PSTPIP2: variants seen among roughly 807,000 people sequenced by gnomAD.
The protein encoded by PSTPIP2 is proline-serine-threonine phosphatase-interacting protein 2.
PSTPIP2 carries 33 observed loss-of-function variants against 63.3 expected under a neutral mutation model. The observed-to-expected ratio is 0.52, with a 90% confidence interval of 0.40 to 0.70. The LOEUF (loss-of-function observed/expected upper bound fraction) is 0.70, where lower values mean the gene tolerates loss of function less well. PSTPIP2 is among the 30% of genes least tolerant of loss of function. PSTPIP2 has a pLI of 0.00. For missense variants in PSTPIP2, 312 were observed against 400.7 expected, an observed-to-expected ratio of 0.78 and a Z score of 1.89; for synonymous variants, 125 against 132.7, an observed-to-expected ratio of 0.94 and a Z score of 0.40.
intron 1 of PSTPIP2, among the ~76,000 whole-genome samples, chr18:46,042,700 G>C (rs1182583401): frequency 6.6e-6 from 1 of 152,142 alleles, no homozygotes; most frequent in African/African-American, 2.4e-5. Flanking sequence ...GTACCAAATG[G>C]TCAGTGTCAA....
chr18:46,024,325 A>G (rs1907498532), intron 3 of PSTPIP2, among the ~76,000 whole-genome samples: 2 of 151,844 alleles, frequency 1.3e-5, no homozygotes, highest in African/African-American at 2.4e-5. Context: ...TTTAGTAGGG[A>G]TGGGGTTTTG....
At chr18:46,069,009 G>A (rs1449628725) in intron 1 of PSTPIP2, among the ~76,000 whole-genome samples, 1 of 152,142 alleles carries the variant, frequency 6.6e-6, no homozygotes, top group African/African-American at 2.4e-5. Flanking sequence ...GCCCACTACA[G>A]GAACAGGGTT....
At chr18:46,072,133 C>T (rs1475558393) in intron 1 of PSTPIP2, 23 bp downstream of exon 1, 15 of 1,528,256 alleles carry the variant, frequency 9.8e-6, no homozygotes, top group Non-Finnish European at 1.2e-5. Flanking sequence ...GCCCCGCGAT[C>T]CGCTGTCGGC....
intron 2 of PSTPIP2, among the ~76,000 whole-genome samples, chr18:46,026,177 T>C (rs1040828470): frequency 6.6e-6 from 1 of 152,194 alleles, no homozygotes; most frequent in African/African-American, 2.4e-5. Flanking sequence ...AATTTCTACT[T>C]CCACAAAAAG....
intron 1 of PSTPIP2, among the ~76,000 whole-genome samples, chr18:46,050,950 C>A (rs62095448): frequency 6.6e-6 from 1 of 151,906 alleles, no homozygotes; most frequent in African/African-American, 2.4e-5. Context: ...GCAACCTCCA[C>A]CTCCTAGGTT....
At chr18:45,993,570 C>T (rs1227426612) in intron 10 of PSTPIP2, 35 bp downstream of exon 10, 1 of 1,565,492 alleles carries the variant, frequency 6.4e-7, no homozygotes, top group Admixed American at 1.7e-5. Context: ...ATCCAACATG[C>T]ACACGACAAT....
chr18:46,000,944 A>G (rs1018224591), intron 6 of PSTPIP2, among the ~76,000 whole-genome samples: 2 of 152,250 alleles, frequency 1.3e-5, no homozygotes, highest in Non-Finnish European at 2.9e-5. Context: ...ATGGTTGACT[A>G]AGATAAATAA....
chr18:46,020,045 G>A (rs554538989), intron 3 of PSTPIP2, among the ~76,000 whole-genome samples: 1 of 152,264 alleles, frequency 6.6e-6, no homozygotes, highest in South Asian at 2.1e-4. Flanking sequence ...GTGACTGATT[G>A]AAGGGCCCCT....
At chr18:46,059,881 A>T (rs1045465169) in intron 1 of PSTPIP2, among the ~76,000 whole-genome samples, 7 of 151,974 alleles carry the variant, frequency 4.6e-5, no homozygotes, top group African/African-American at 1.7e-4. Flanking sequence ...TACAAAAAAA[A>T]TTACCCGGGC....
intron 1 of PSTPIP2, among the ~76,000 whole-genome samples, chr18:46,065,808 G>A (rs1909169379): frequency 6.6e-6 from 1 of 151,760 alleles, no homozygotes; most frequent in Non-Finnish European, 1.5e-5. Flanking sequence ...CACCATGTTG[G>A]CCAGGCTGGT....
chr18:46,005,826 C>T (rs2051719028), intron 5 of PSTPIP2, among the ~76,000 whole-genome samples: 1 of 152,158 alleles, frequency 6.6e-6, no homozygotes, highest in Non-Finnish European at 1.5e-5. Flanking sequence ...AATCAAGGAA[C>T]TTTGGTTTCA....
At chr18:46,028,343 C>A in intron 2 of PSTPIP2, 1 of 478,268 alleles carries the variant, frequency 2.1e-6, no homozygotes, top group South Asian at 1.7e-5. Context: ...CCGAGCGAGC[C>A]GCCCCAAAAG....
chr18:46,017,246 T>C (rs1268492217), intron 3 of PSTPIP2, among the ~76,000 whole-genome samples: 2 of 152,192 alleles, frequency 1.3e-5, no homozygotes, highest in African/African-American at 2.4e-5. Flanking sequence ...GGCTTCATCA[T>C]TGCTATTGAA....
In PSTPIP2 at chr18:46,072,203, G is replaced by A. The variant is rs762404487; in HGVS notation, c.-15C>T. The A allele has an allele frequency of 2.0e-5, 30 of 1,534,664 alleles. No individual in the cohort carries two copies. The highest frequency in any genetic ancestry group is 2.4e-5 in the Non-Finnish European group (27 of 1,140,690). On this transcript the variant is annotated 5_prime_UTR_variant, in exon 1 of 15. Coordinates refer to ENST00000409746, the MANE Select transcript of PSTPIP2 (RefSeq NM_024430.4). ...GAGCGCGTCATCGCAGCGCGAGTGGGGGCGCGGAGGAGAGCCGGGCCGCAG... is the reference window on the plus strand; with the variant it reads ...GAGCGCGTCATCGCAGCGCGAGTGGAGGCGCGGAGGAGAGCCGGGCCGCAG...
intron 1 of PSTPIP2, among the ~76,000 whole-genome samples, chr18:46,042,672 T>C (rs1174314427): frequency 6.6e-6 from 1 of 152,186 alleles, no homozygotes; most frequent in Non-Finnish European, 1.5e-5. Flanking sequence ...AACAGATTCC[T>C]GAGTGATGAA....
intron 6 of PSTPIP2, among the ~76,000 whole-genome samples, chr18:46,000,063 C>A (rs773863475): frequency 9.2e-5 from 14 of 152,154 alleles, no homozygotes; most frequent in Non-Finnish European, 1.5e-4. Context: ...CGCTTGTGCC[C>A]AGGAGTTCAA....
intron 3 of PSTPIP2, among the ~76,000 whole-genome samples, chr18:46,019,018 A>G (rs1369409599): frequency 1.3e-5 from 2 of 151,426 alleles, no homozygotes; most frequent in African/African-American, 4.9e-5. Context: ...CTTATAATCA[A>G]CTCCCCTTTG....
At chr18:46,045,934 C>T (rs367684651) in intron 1 of PSTPIP2, among the ~76,000 whole-genome samples, 5 of 152,216 alleles carry the variant, frequency 3.3e-5, no homozygotes, top group Middle Eastern at 3.4e-3. Context: ...ACAGAGCAAG[C>T]GCCTGCTTCA....
chr18:46,046,641 T>C (rs1184987115), intron 1 of PSTPIP2, among the ~76,000 whole-genome samples: 3 of 152,162 alleles, frequency 2.0e-5, no homozygotes, highest in Non-Finnish European at 4.4e-5. Flanking sequence ...GAGGAGCTTA[T>C]AAGAAGAAGA....
Sources: gnomAD v4.1 joint callset for allele counts (sites outside exome capture counted in the v4.1 genomes callset) on GRCh38, gnomAD v4.1.1 for gene constraint, MANE v1.5 for transcripts, NCBI Gene and HGNC (gene_info 2026-07-23, HGNC 2026-07-21) for gene names.